Variants in GRAMD4 observed in about 807,000 individuals in gnomAD.
GRAMD4 encodes GRAM domain-containing protein 4.
GRAMD4 carries 25 observed loss-of-function variants against 83.9 expected under a neutral mutation model. That is an observed-to-expected ratio of 0.30 (90% CI 0.22 to 0.42). The LOEUF is 0.42. Ranked by LOEUF, GRAMD4 falls within the 10% of genes least tolerant of loss-of-function variation. The pLI is 1.00. For synonymous variants in GRAMD4, 336 were observed against 320.9 expected, an observed-to-expected ratio of 1.05 and a Z score of -0.50; for missense variants, 593 against 788.7, an observed-to-expected ratio of 0.75 and a Z score of 2.97.
In GRAMD4 at chr22:46,677,196, T is replaced by A; in HGVS notation, c.1682T>A (p.Ile561Asn). The change falls in exon 19 of 19, where the codon ATT becomes AAT. Residue 561 changes from isoleucine (I) to asparagine (N), a missense_variant. This residue lies in a region of GRAMD4 where 74 missense variants were observed against 152.7 expected (regional missense o/e 0.48). Transcript: ENST00000406902. Reference sequence around the variant, plus strand: ...CACAGGGATGAGGCCTTCGAGACCATTCTCAGCCAGTACATCAAGATCACC... The same window carrying A: ...CACAGGGATGAGGCCTTCGAGACCAATCTCAGCCAGTACATCAAGATCACC... ...MVHRDEAFET[I>N]LSQYIKITSA... The A allele has an allele frequency of 6.2e-7, 1 of 1,613,862 alleles. No individual in the cohort carries two copies. Among genetic ancestry groups the A allele is most frequent in the Non-Finnish European group, 8.5e-7 (1 of 1,179,964 alleles).
At chr22:46,588,788 C>G (rs1053730853) in intron 1 of GRAMD4, among the ~76,000 whole-genome samples, 3 of 151,346 alleles carry the variant, frequency 2.0e-5, no homozygotes, top group Non-Finnish European at 2.9e-5. Context: ...ACACTGGCGT[C>G]GGTCCGGGCT....
At chr22:46,616,577 C>G (rs1276200477), upstream of GRAMD4, among the ~76,000 whole-genome samples, 1 of 138,152 alleles carries the variant, frequency 7.2e-6, no homozygotes, top group African/African-American at 2.8e-5. Flanking sequence ...TGCGGCTTCC[C>G]CTGTGCGTGC....
intron 1 of GRAMD4, among the ~76,000 whole-genome samples, chr22:46,613,065 C>T (rs2081433357): frequency 6.6e-6 from 1 of 152,246 alleles, no homozygotes; most frequent in Admixed American, 6.5e-5. Context: ...CACAAGACAG[C>T]GCTGCCTCCC....
intron 5 of GRAMD4, among the ~76,000 whole-genome samples, chr22:46,661,949 C>T (rs1473624609): frequency 2.6e-5 from 4 of 152,242 alleles, no homozygotes; most frequent in Non-Finnish European, 2.9e-5. Flanking sequence ...TGCAGGCAGC[C>T]GGCATAGTTC....
At chr22:46,604,655 A>G (rs1009797058) in intron 1 of GRAMD4, among the ~76,000 whole-genome samples, 34 of 152,308 alleles carry the variant, frequency 2.2e-4, no homozygotes, top group Middle Eastern at 3.4e-3. Context: ...GTGTCTATCT[A>G]TGACTTCCTC....
upstream of GRAMD4, among the ~76,000 whole-genome samples, chr22:46,615,649 CGT>C (rs2081474761): frequency 1.3e-5 from 1 of 76,104 alleles, no homozygotes. Context: ...TTCCCCTGTG[CGT>C]GTAGGTTCCC....
chr22:46,643,508 A>G (rs1270838177), intron 3 of GRAMD4, among the ~76,000 whole-genome samples: 3 of 152,240 alleles, frequency 2.0e-5, no homozygotes, highest in Admixed American at 6.5e-5. Flanking sequence ...TCAGGAAATT[A>G]ACATTGATAC....
intron 1 of GRAMD4, among the ~76,000 whole-genome samples, chr22:46,583,133 A>G (rs904046523): frequency 6.6e-6 from 1 of 152,250 alleles, no homozygotes; most frequent in Non-Finnish European, 1.5e-5. Flanking sequence ...CATGTTGGTC[A>G]GGCTGGTCTC....
At chr22:46,628,729 G>A (rs2081716603) in intron 2 of GRAMD4, among the ~76,000 whole-genome samples, 1 of 152,142 alleles carries the variant, frequency 6.6e-6, no homozygotes, top group Non-Finnish European at 1.5e-5. Flanking sequence ...AGGGCTGTGG[G>A]ATCATGGGAG....
chr22:46,604,023 C>A (rs929465312), intron 1 of GRAMD4, among the ~76,000 whole-genome samples: 8 of 152,182 alleles, frequency 5.3e-5, no homozygotes, highest in African/African-American at 1.9e-4. Context: ...TCCTAGATGT[C>A]CCAACGTGAT....
intron 1 of GRAMD4, among the ~76,000 whole-genome samples, chr22:46,624,413 C>T (rs2081624213): frequency 7.2e-6 from 1 of 139,704 alleles, no homozygotes; most frequent in Admixed American, 7.6e-5. Context: ...ACTGCAAGCT[C>T]CGCCTCCCGG....
chr22:46,658,427 G>T, intron 4 of GRAMD4, 120 bp downstream of exon 4: 1 of 1,040,692 alleles, frequency 9.6e-7, no homozygotes, highest in Non-Finnish European at 1.4e-6. Flanking sequence ...TGGCCCTGGA[G>T]AGGCCTGAGT....
At chr22:46,650,762 G>T (rs971194547) in intron 3 of GRAMD4, among the ~76,000 whole-genome samples, 2 of 152,218 alleles carry the variant, frequency 1.3e-5, no homozygotes, top group African/African-American at 4.8e-5. Flanking sequence ...CCTAGTCTGT[G>T]GCTGATTCTG....
chr22:46,607,590 A>T (rs998113176), intron 1 of GRAMD4, among the ~76,000 whole-genome samples: 7 of 152,114 alleles, frequency 4.6e-5, no homozygotes, highest in African/African-American at 1.7e-4. Context: ...TCCTCCCTGG[A>T]TGCATCCTGA....
At chr22:46,623,361 C>T (rs148425159) in intron 1 of GRAMD4, among the ~76,000 whole-genome samples, 2,247 of 152,258 alleles carry the variant, frequency 0.015, 57 homozygotes, top group African/African-American at 0.052. Flanking sequence ...TTCCGCAGCC[C>T]GGGTTAGCTT....
chr22:46,615,978 C>T (rs1340014431), upstream of GRAMD4, among the ~76,000 whole-genome samples: 1 of 128,602 alleles, frequency 7.8e-6, no homozygotes, highest in Non-Finnish European at 1.6e-5. Flanking sequence ...GTGTAGGTTC[C>T]CCTGTGCTTG....
intron 1 of GRAMD4, among the ~76,000 whole-genome samples, chr22:46,590,057 C>T (rs1377009806): frequency 1.3e-5 from 2 of 152,216 alleles, no homozygotes; most frequent in Non-Finnish European, 2.9e-5. Context: ...GGTTGGGAGC[C>T]CTGAGTCTGG....
Position 46,676,818 on chromosome 22 carries a change from G to C in GRAMD4, c.1632+150G>C. On this transcript the variant is annotated intron_variant, in intron 18 of 18. Transcript: ENST00000406902. ...CGCCCCCTCCCTCGCAGCAGCTAGA[G>C]CCTGGGGCTGCGTCCAGGTTGGGTT... The C allele has an allele frequency of 4.0e-6, 3 of 744,304 alleles. No homozygotes were observed. The South Asian group carries it at 5.0e-5, about 12-fold the overall frequency. 46.1% of individuals were successfully genotyped at this position (744,304 alleles called of 1,614,324 possible). A position where few individuals can be genotyped will look rare whatever the true frequency, so the allele number is the denominator to read the frequency against.
chr22:46,610,256 G>C (rs909252859), intron 1 of GRAMD4, among the ~76,000 whole-genome samples: 43 of 152,236 alleles, frequency 2.8e-4, no homozygotes, highest in Non-Finnish European at 5.1e-4. Context: ...GGTGAGGGCT[G>C]CGGTTCCCTC....
Sources: allele counts gnomAD v4.1 joint callset (sites outside exome capture counted in the v4.1 genomes callset), GRCh38; gene constraint gnomAD v4.1.1; regional missense constraint gnomAD v4.1.1; transcripts MANE v1.5; gene names NCBI Gene and HGNC (gene_info 2026-07-23, HGNC 2026-07-21).